Variants in TAX1BP1 observed in about 807,000 individuals in gnomAD.
TAX1BP1 encodes Tax1 binding protein 1, also known as tax1-binding protein 1.
Under a neutral mutation model 97.7 loss-of-function variants are expected in TAX1BP1, and 62 were observed. That is an observed-to-expected ratio of 0.63 (90% CI 0.52 to 0.78). The LOEUF (loss-of-function observed/expected upper bound fraction) is 0.78, where lower values mean the gene tolerates loss of function less well. Among genes scored for constraint, TAX1BP1 ranks in the 30% least tolerant of loss-of-function variants. The probability of loss-of-function intolerance (pLI) is 0.00; values close to 1 mark genes in which losing one functional copy is unlikely to be tolerated. For synonymous variants in TAX1BP1, 340 were observed against 304.2 expected (o/e 1.12, Z -1.23); for missense variants, 867 against 916.1 (o/e 0.95, Z 0.69).
chr7:27,820,423 G>A (rs948764500), intron 15 of TAX1BP1, among the ~76,000 whole-genome samples: 2 of 152,188 alleles, frequency 1.3e-5, no homozygotes, highest in African/African-American at 4.8e-5. Context: ...CAGTGCTTGA[G>A]AGAGTTGAGG....
chr7:27,776,993 G>A (rs1253591679), intron 5 of TAX1BP1, among the ~76,000 whole-genome samples: 3 of 151,730 alleles, frequency 2.0e-5, no homozygotes, highest in African/African-American at 7.3e-5. Context: ...AGTTTGATTT[G>A]AGTCTTTTTC....
At chr7:27,749,846 G>A (rs1258276718) in intron 2 of TAX1BP1, among the ~76,000 whole-genome samples, 1 of 152,116 alleles carries the variant, frequency 6.6e-6, no homozygotes, top group African/African-American at 2.4e-5. Context: ...AGGCTGGAGT[G>A]CAGTGGTGGG....
At chr7:27,806,659 G>T (rs1392673183) in intron 13 of TAX1BP1, among the ~76,000 whole-genome samples, 1 of 152,004 alleles carries the variant, frequency 6.6e-6, no homozygotes, top group Non-Finnish European at 1.5e-5. Flanking sequence ...TAAGAACTTT[G>T]TAGTCTATTT....
chr7:27,816,235 A>G, intron 13 of TAX1BP1, 114 bp from the exon 14 acceptor site: 1 of 884,440 alleles, frequency 1.1e-6, no homozygotes, highest in Non-Finnish European at 1.6e-6. Context: ...TTGCATTCCA[A>G]CTTCATAATA....
At chr7:27,769,321 C>T (rs1788757800) in intron 4 of TAX1BP1, among the ~76,000 whole-genome samples, 1 of 151,916 alleles carries the variant, frequency 6.6e-6, no homozygotes, top group African/African-American at 2.4e-5. Flanking sequence ...AACTTTTCCT[C>T]TTGGAGTATC....
intron 3 of TAX1BP1, among the ~76,000 whole-genome samples, chr7:27,763,767 C>CAA (rs575118347): frequency 1.7e-5 from 2 of 118,776 alleles, no homozygotes; most frequent in Admixed American, 8.7e-5. Context: ...GACTCTGTCT[C>CAA]AAAAAAAAAA....
chr7:27,806,712 T>A lies in TAX1BP1; in HGVS notation c.1764+6622T>A, dbSNP rs183208745. ...AGTCCTTTCTCATAACTCTTTGTTTTCAGTGTTTTTCTAGCTTTTCTCTTG... is the reference window on the plus strand; with the variant it reads ...AGTCCTTTCTCATAACTCTTTGTTTACAGTGTTTTTCTAGCTTTTCTCTTG... On this transcript the variant is annotated intron_variant, in intron 13 of 16. Transcript: ENST00000396319. 2.0e-5 allele frequency among the ~76,000 whole-genome samples: 3 copies of A among 152,318 alleles called. No individual in the cohort carries two copies. The East Asian group carries it at 5.8e-4, about 29-fold the overall frequency.
chr7:27,745,941 A>G (rs958993496), intron 1 of TAX1BP1, among the ~76,000 whole-genome samples: 1 of 152,066 alleles, frequency 6.6e-6, no homozygotes. Context: ...AACATATACA[A>G]ATACATATAT....
At chr7:27,795,845 C>T (rs912505290) in intron 11 of TAX1BP1, among the ~76,000 whole-genome samples, 2 of 152,170 alleles carry the variant, frequency 1.3e-5, no homozygotes, top group Non-Finnish European at 2.9e-5. Flanking sequence ...GCCACCGTGC[C>T]CGGCCGCTTT....
chr7:27,761,047 T>C (rs1700838294), intron 3 of TAX1BP1, among the ~76,000 whole-genome samples: 1 of 152,238 alleles, frequency 6.6e-6, no homozygotes, highest in African/African-American at 2.4e-5. Context: ...TATGGTCTTA[T>C]CTAAGTTAAA....
At chr7:27,784,974 T>C (rs190033445) in intron 5 of TAX1BP1, among the ~76,000 whole-genome samples, 189 bp from the exon 6 acceptor site, 140 of 152,288 alleles carry the variant, frequency 9.2e-4, no homozygotes, top group Admixed American at 3.6e-3. Context: ...AAATTATCGA[T>C]TAATTTAGTA....
Position 27,787,533 on chromosome 7 carries a change from G to T in TAX1BP1, c.968G>T (p.Gly323Val), listed in dbSNP as rs748161447. 27 of 1,613,628 alleles carry T rather than the reference G, an allele frequency of 1.7e-5. No individual in the cohort carries two copies. Among genetic ancestry groups the T allele is most frequent in the Non-Finnish European group, 2.2e-5 (26 of 1,179,746 alleles). The change falls in exon 8 of 17, where the codon GGC (glycine) becomes GTC (valine). Residue 323 changes from glycine to valine, a missense_variant. Gly to Val is a moderately radical substitution (Grantham distance 109). This residue lies in a region of TAX1BP1 where 822 missense variants were observed against 851.4 expected (regional missense o/e 0.97). Coordinates refer to ENST00000396319, the MANE Select transcript of TAX1BP1 (RefSeq NM_006024.7). ...ATTACTCATTTCAAAGAAGAGATTG[G>T]CAGGCTGCAGTTATGTTTGGCTGAA... ...SVITHFKEEI[G>V]RLQLCLAEKE...
chr7:27,807,097 T>G (rs1417364566), intron 13 of TAX1BP1, among the ~76,000 whole-genome samples: 1 of 152,202 alleles, frequency 6.6e-6, no homozygotes, highest in Non-Finnish European at 1.5e-5. Flanking sequence ...TAGTTTTAAA[T>G]TTTTATGTAA....
intron 14 of TAX1BP1, 150 bp from the exon 15 acceptor site, chr7:27,816,740 A>G (rs1790782112): frequency 1.9e-6 from 2 of 1,075,358 alleles, no homozygotes; most frequent in African/African-American, 3.2e-5. Flanking sequence ...TATAGTTCAC[A>G]ATTTAAAAAA....
At chr7:27,771,289 G>A (rs1374790750) in intron 5 of TAX1BP1, among the ~76,000 whole-genome samples, 9 of 148,956 alleles carry the variant, frequency 6.0e-5, no homozygotes, top group Admixed American at 4.7e-4. Flanking sequence ...AAGCCAGAGG[G>A]ATCAAGGTGA....
At chr7:27,805,865 T>C (rs1173922319) in intron 13 of TAX1BP1, among the ~76,000 whole-genome samples, 1 of 152,012 alleles carries the variant, frequency 6.6e-6, no homozygotes, top group Non-Finnish European at 1.5e-5. Flanking sequence ...ACAAAATGCA[T>C]ATTCTTGGGC....
At chr7:27,777,989 C>T (rs112539090) in intron 5 of TAX1BP1, among the ~76,000 whole-genome samples, 12 of 152,224 alleles carry the variant, frequency 7.9e-5, no homozygotes, top group African/African-American at 1.2e-4. Flanking sequence ...GTTTTAGAGT[C>T]GCTATCAGGA....
chr7:27,814,909 T>C (rs1415644741), intron 13 of TAX1BP1, among the ~76,000 whole-genome samples: 1 of 152,154 alleles, frequency 6.6e-6, no homozygotes, highest in Non-Finnish European at 1.5e-5. Context: ...ACTAATTTTT[T>C]TGTATTTTTA....
At chr7:27,773,428 C>T (rs1163032638) in intron 5 of TAX1BP1, among the ~76,000 whole-genome samples, 1 of 152,034 alleles carries the variant, frequency 6.6e-6, no homozygotes, top group Non-Finnish European at 1.5e-5. Context: ...CTTTTACTTA[C>T]TTGTGGTTAC....
Sources: allele counts gnomAD v4.1 joint callset (sites outside exome capture counted in the v4.1 genomes callset), GRCh38; gene constraint gnomAD v4.1.1; regional missense constraint gnomAD v4.1.1; transcripts MANE v1.5; gene names NCBI Gene and HGNC (gene_info 2026-07-23, HGNC 2026-07-21).